EDNRA: variants seen among roughly 807,000 people sequenced by gnomAD.
The protein encoded by EDNRA is endothelin receptor type A.
EDNRA carries 11 observed loss-of-function variants against 41.4 expected under a neutral mutation model. That is an observed-to-expected ratio of 0.27 (90% CI 0.17 to 0.44). The LOEUF is 0.44. EDNRA is among the 20% of genes least tolerant of loss of function. The pLI is 1.00. For synonymous variants in EDNRA, 172 were observed against 183.0 expected, an observed-to-expected ratio of 0.94 and a Z score of 0.49; for missense variants, 294 against 531.0, an observed-to-expected ratio of 0.55 and a Z score of 4.39.
At chr4:147,483,179 T>C (rs11930745) in intron 1 of EDNRA, among the ~76,000 whole-genome samples, 4,159 of 152,250 alleles carry the variant, frequency 0.027, 196 homozygotes, top group African/African-American at 0.092. Context: ...CTCCAGATTA[T>C]AAGAAGCAGG....
chr4:147,532,387 T>A (rs1730782013), intron 3 of EDNRA, 119 bp from the exon 4 acceptor site: 3 of 648,734 alleles, frequency 4.6e-6, no homozygotes, highest in Non-Finnish European at 7.7e-6. Context: ...AGAAAATTCC[T>A]AAAAAGACAA....
At chr4:147,504,622 C>T (rs7686338) in intron 2 of EDNRA, among the ~76,000 whole-genome samples, 2,243 of 152,086 alleles carry the variant, frequency 0.015, 56 homozygotes, top group African/African-American at 0.048. Context: ...TTATCAAAAT[C>T]AAAAACTTTT....
At chr4:147,482,863 C>T (rs1294936941) in intron 1 of EDNRA, among the ~76,000 whole-genome samples, 2 of 152,204 alleles carry the variant, frequency 1.3e-5, no homozygotes, top group Non-Finnish European at 2.9e-5. Flanking sequence ...CAGTACCCAC[C>T]GTAGCCAGGT....
chr4:147,506,796 A>T (rs1458288757), intron 2 of EDNRA: 3 of 224,510 alleles, frequency 1.3e-5, no homozygotes, highest in African/African-American at 7.0e-5. Context: ...TTAGTGAAAC[A>T]ACAGTGATGC....
chr4:147,523,673 G>A (rs566402017), intron 3 of EDNRA, among the ~76,000 whole-genome samples: 18 of 151,994 alleles, frequency 1.2e-4, no homozygotes, highest in African/African-American at 3.6e-4. Context: ...TGTATTTTTA[G>A]TAGAGACGGG....
chr4:147,505,718 G>A lies in EDNRA; in HGVS notation c.421-14133G>A, dbSNP rs190510692. On this transcript the variant is annotated intron_variant, in intron 2 of 7. Coordinates refer to ENST00000651419, the MANE Select transcript of EDNRA (RefSeq NM_001957.4). ...GACTGGAGTGCAGTGGCGCCATCTC[G>A]GCTCACTGCAAGCTCCGCCTCCTGG... is the stretch of plus-strand genomic sequence containing the variant. Among the ~76,000 whole-genome samples, 1,282 of 138,656 alleles carry A rather than the reference G, an allele frequency of 9.2e-3. 10 individuals carry two copies. Among genetic ancestry groups the A allele is most frequent in the Non-Finnish European group, 0.016 (1,024 of 65,682 alleles). 91.0% of individuals were successfully genotyped at this position (138,656 alleles called of 152,430 possible).
intron 3 of EDNRA, 110 bp from the exon 4 acceptor site, chr4:147,532,396 A>G: frequency 1.2e-6 from 1 of 857,642 alleles, no homozygotes; most frequent in Non-Finnish European, 1.9e-6. Flanking sequence ...CTAAAAAGAC[A>G]ATTACTGGTA....
At chr4:147,535,638 T>C (rs3756022) in intron 4 of EDNRA, among the ~76,000 whole-genome samples, 51,791 of 152,066 alleles carry the variant, frequency 0.34, 10,516 homozygotes, top group African/African-American at 0.57. Context: ...AGTATCCTTG[T>C]CAAGATAATT....
chr4:147,504,478 G>A (rs1463923423), intron 2 of EDNRA, among the ~76,000 whole-genome samples: 1 of 151,978 alleles, frequency 6.6e-6, no homozygotes, highest in African/African-American at 2.4e-5. Flanking sequence ...CCAATCCTTT[G>A]TCACGTGGAA....
intron 3 of EDNRA, among the ~76,000 whole-genome samples, 180 bp from the exon 4 acceptor site, chr4:147,532,325 CA>C (rs59851236): frequency 0.076 from 4,570 of 60,438 alleles, 42 homozygotes; most frequent in Admixed American, 0.096. Flanking sequence ...GATTTTGCCT[CA>C]AAAAAAAAAA....
intron 5 of EDNRA, among the ~76,000 whole-genome samples, chr4:147,538,185 G>A (rs1730977942): frequency 1.3e-5 from 2 of 152,078 alleles, no homozygotes; most frequent in Non-Finnish European, 2.9e-5. Context: ...GCTGATCTTT[G>A]CTTCAGTCTC....
intron 2 of EDNRA, chr4:147,506,679 C>T: frequency 3.1e-6 from 1 of 325,326 alleles, no homozygotes. Flanking sequence ...TTAAATTGGT[C>T]TTCAGAATGT....
intron 2 of EDNRA, among the ~76,000 whole-genome samples, chr4:147,515,533 T>C (rs1463120136): frequency 2.6e-5 from 4 of 152,094 alleles, no homozygotes; most frequent in Admixed American, 2.0e-4. Flanking sequence ...GCTCTGGATG[T>C]GCAATGGGCC....
At chr4:147,542,376 C>G in intron 7 of EDNRA, 102 bp from the exon 8 acceptor site, 2 of 1,514,748 alleles carry the variant, frequency 1.3e-6, no homozygotes, top group Non-Finnish European at 1.8e-6. Flanking sequence ...CCCTCGAATG[C>G]GAATGGACAT....
chr4:147,519,285 T>G lies in EDNRA; in HGVS notation c.421-566T>G, dbSNP rs1040130753. Among the ~76,000 whole-genome samples the G allele has an allele frequency of 1.8e-4, 28 of 152,186 alleles. No homozygotes were observed. Among genetic ancestry groups the G allele is most frequent in the African/African-American group, 6.3e-4 (26 of 41,454 alleles). ...TTAGTAGCTTCTACACCACTTTGTT[T>G]TTTTCCAGTATTCTCCCTAACCTTT... is the stretch of plus-strand genomic sequence containing the variant. On this transcript the variant is annotated intron_variant, in intron 2 of 7. Coordinates refer to ENST00000651419, the MANE Select transcript of EDNRA (RefSeq NM_001957.4). The surrounding 1 kb of genome is among the most constrained non-coding windows in gnomAD (Gnocchi z 4.1).
intron 5 of EDNRA, among the ~76,000 whole-genome samples, chr4:147,538,087 A>C (rs1283855268): frequency 6.6e-6 from 1 of 152,174 alleles, no homozygotes; most frequent in Admixed American, 6.5e-5. Context: ...GTTGACCAAG[A>C]AGGAGTTTAT....
At chr4:147,524,864 C>T (rs1022946107) in intron 3 of EDNRA, among the ~76,000 whole-genome samples, 1 of 151,880 alleles carries the variant, frequency 6.6e-6, no homozygotes, top group African/African-American at 2.4e-5. Flanking sequence ...TTTGCTTTAA[C>T]TCTTAATTTG....
chr4:147,498,858 A>G (rs1578783023), intron 2 of EDNRA, among the ~76,000 whole-genome samples: 1 of 152,040 alleles, frequency 6.6e-6, no homozygotes, highest in Admixed American at 6.6e-5. Flanking sequence ...TCTTACCTCA[A>G]CCTTCCAAAA....
At chr4:147,497,798 T>A (rs1729364546) in intron 2 of EDNRA, among the ~76,000 whole-genome samples, 1 of 152,158 alleles carries the variant, frequency 6.6e-6, no homozygotes, top group Admixed American at 6.5e-5. Context: ...GGTCTGCATC[T>A]CCTGACCTCG....
Sources: allele counts gnomAD v4.1 joint callset (sites outside exome capture counted in the v4.1 genomes callset), GRCh38; gene constraint gnomAD v4.1.1; non-coding constraint Gnocchi (gnomAD v3.1); transcripts MANE v1.5; gene names NCBI Gene and HGNC (gene_info 2026-07-23, HGNC 2026-07-21).